The following FAM13C variants were observed in gnomAD, a reference collection of about 807,000 sequenced individuals.
FAM13C encodes the protein family with sequence similarity 13 member C, also known as protein FAM13C.
FAM13C carries 37 observed loss-of-function variants against 73.2 expected under a neutral mutation model. The observed-to-expected ratio is 0.51, with a 90% CI of 0.39 to 0.67. The LOEUF is 0.67. Among genes scored for constraint, FAM13C ranks in the 30% least tolerant of loss-of-function variants. FAM13C has a pLI of 0.00. For synonymous variants in FAM13C, 246 were observed against 260.9 expected (o/e 0.94, Z 0.55); for missense variants, 589 against 715.6 (o/e 0.82, Z 2.02).
intron 1 of FAM13C, among the ~76,000 whole-genome samples, chr10:59,357,948 T>C (rs112498579): frequency 3.9e-5 from 6 of 152,348 alleles, no homozygotes; most frequent in African/African-American, 1.4e-4. Context: ...TTACTGGCAA[T>C]GGTGTATAAT....
intron 3 of FAM13C, among the ~76,000 whole-genome samples, chr10:59,341,064 GCACCACATTCA>G (rs1853439447): frequency 6.6e-6 from 1 of 152,092 alleles, no homozygotes; most frequent in Admixed American, 6.5e-5. Context: ...GGATCCACAA[GCACCACATTCA>G]CTGATTTTCT....
intron 4 of FAM13C, among the ~76,000 whole-genome samples, chr10:59,304,721 C>T (rs1847996863): frequency 1.6e-5 from 2 of 127,936 alleles, no homozygotes; most frequent in Non-Finnish European, 3.3e-5. Flanking sequence ...ACCTGTGAAA[C>T]AAGCCTGCAC....
In FAM13C at chr10:59,251,554, A is replaced by C. The variant is rs762781107; in HGVS notation, c.1634+21T>G. 6 of 1,605,248 alleles carry C rather than the reference A, an allele frequency of 3.7e-6. No individual in the cohort carries two copies. The African/African-American group carries it at 6.7e-5, about 18-fold the overall frequency. ...TTCTCTAGGAAGTATTAGCTTTAAA[A>C]ATCTCTCTGCCGACACATACCTTCC... On this transcript the variant is annotated intron_variant, in intron 13 of 13. Transcript: ENST00000618804.
At chr10:59,353,400 C>T (rs997680139) in intron 2 of FAM13C, among the ~76,000 whole-genome samples, 10 of 152,166 alleles carry the variant, frequency 6.6e-5, no homozygotes, top group African/African-American at 2.2e-4. Context: ...TATCATTAAC[C>T]TTAATCTACC....
intron 8 of FAM13C, 40 bp from the exon 9 acceptor site, chr10:59,264,206 A>G: frequency 1.2e-6 from 1 of 850,504 alleles, no homozygotes; most frequent in Non-Finnish European, 1.9e-6. Context: ...AAGGGAGGGA[A>G]GGAGGGAGAG....
chr10:59,361,636 C>A (rs1856434264), intron 1 of FAM13C, among the ~76,000 whole-genome samples: 1 of 151,826 alleles, frequency 6.6e-6, no homozygotes, highest in Non-Finnish European at 1.5e-5. Context: ...AAATTACATA[C>A]AGTATTAGCA....
chr10:59,261,784 T>C (rs1223534829), intron 10 of FAM13C, among the ~76,000 whole-genome samples: 3 of 152,172 alleles, frequency 2.0e-5, no homozygotes, highest in Non-Finnish European at 4.4e-5. Context: ...AGCATAGATA[T>C]GCATGACAAG....
chr10:59,249,361 G>A (rs572415461), intron 13 of FAM13C, among the ~76,000 whole-genome samples: 2 of 133,112 alleles, frequency 1.5e-5, no homozygotes, highest in South Asian at 4.9e-4. Flanking sequence ...CCGAGATCGC[G>A]TCACTGCACT....
chr10:59,250,388 TAAC>T lies in FAM13C; in HGVS notation c.1634+1184_1634+1186del. Among the ~76,000 whole-genome samples, 3 of 152,380 alleles carry T rather than the reference TAAC, an allele frequency of 2.0e-5. No homozygotes were observed. The South Asian group carries it at 6.2e-4, about 32-fold the overall frequency. ...ACATAACATTTCTCACTAGATTACT[TAAC>T]ATCACCAAAAAGGTAAGTTGGACTT... On this transcript the variant is annotated intron_variant, in intron 13 of 13. Coordinates refer to ENST00000618804, the MANE Select transcript of FAM13C (RefSeq NM_198215.4).
chr10:59,303,742 C>T (rs1002183574), intron 4 of FAM13C, among the ~76,000 whole-genome samples: 2 of 152,092 alleles, frequency 1.3e-5, no homozygotes, highest in African/African-American at 2.4e-5. Flanking sequence ...AGGAAGTGAG[C>T]TCTTACTCAG....
intron 3 of FAM13C, among the ~76,000 whole-genome samples, chr10:59,347,181 A>G (rs1854404547): frequency 6.6e-6 from 1 of 152,158 alleles, no homozygotes; most frequent in South Asian, 2.1e-4. Flanking sequence ...GCATTCTTGC[A>G]TTGCCTTCCA....
intron 3 of FAM13C, among the ~76,000 whole-genome samples, chr10:59,335,638 C>A (rs1852619894): frequency 1.3e-5 from 2 of 152,124 alleles, no homozygotes; most frequent in African/African-American, 4.8e-5. Flanking sequence ...AGGACCAGTC[C>A]CTAACAACAG....
chr10:59,252,668 G>C (rs1202330306), intron 12 of FAM13C, 131 bp downstream of exon 12: 5 of 780,674 alleles, frequency 6.4e-6, no homozygotes, highest in African/African-American at 3.5e-5. Context: ...TAAGAGACTA[G>C]GATAAAGGCC....
At chr10:59,360,853 GA>G (rs10615623) in intron 1 of FAM13C, among the ~76,000 whole-genome samples, 8,063 of 57,168 alleles carry the variant, frequency 0.14, 219 homozygotes, top group Admixed American at 0.17. Context: ...AACCTCTACA[GA>G]AAAAAAAAAA....
chr10:59,250,945 A>G (rs1179579952), intron 13 of FAM13C, among the ~76,000 whole-genome samples: 1 of 152,210 alleles, frequency 6.6e-6, no homozygotes, highest in Non-Finnish European at 1.5e-5. Context: ...AATTAGATCA[A>G]TAACCTTATC....
chr10:59,321,435 T>A (rs1850276307), intron 4 of FAM13C, among the ~76,000 whole-genome samples: 1 of 91,348 alleles, frequency 1.1e-5, no homozygotes, highest in Admixed American at 9.7e-5. Context: ...CCAACACCTT[T>A]TTTTTTTTTT....
intron 5 of FAM13C, among the ~76,000 whole-genome samples, chr10:59,291,828 G>T (rs539655753): frequency 2.5e-5 from 3 of 118,262 alleles, no homozygotes. Context: ...TTGCTCTGTC[G>T]CCCAGGCTGG....
At chr10:59,271,355 G>T (rs1047962192) in intron 6 of FAM13C, among the ~76,000 whole-genome samples, 1 of 152,184 alleles carries the variant, frequency 6.6e-6, no homozygotes, top group Non-Finnish European at 1.5e-5. Context: ...TCTGCTTTGC[G>T]TAACATCAAA....
intron 4 of FAM13C, among the ~76,000 whole-genome samples, chr10:59,306,992 G>A (rs1305163494): frequency 3.3e-5 from 5 of 152,160 alleles, no homozygotes; most frequent in Admixed American, 1.3e-4. Flanking sequence ...TCAAAGTATG[G>A]AGTGAAAGAG....
Sources: allele counts gnomAD v4.1 joint callset (sites outside exome capture counted in the v4.1 genomes callset), GRCh38; gene constraint gnomAD v4.1.1; transcripts MANE v1.5; gene names NCBI Gene and HGNC (gene_info 2026-07-23, HGNC 2026-07-21).